The following PPP2R3A variants were observed in gnomAD, a reference collection of about 807,000 sequenced individuals.
PPP2R3A encodes serine/threonine-protein phosphatase 2A regulatory subunit B'' subunit alpha.
Under a neutral mutation model 106.9 loss-of-function variants are expected in PPP2R3A, and 80 were observed. The observed-to-expected ratio is 0.75, with a 90% CI of 0.62 to 0.90. The LOEUF (loss-of-function observed/expected upper bound fraction) is 0.90. Among genes scored for constraint, PPP2R3A ranks in the 40% least tolerant of loss-of-function variants. PPP2R3A has a pLI of 0.00. For missense variants in PPP2R3A, 1,386 were observed against 1,350.4 expected (o/e 1.03, Z -0.41); for synonymous variants, 483 against 468.3 (o/e 1.03, Z -0.41).
chr3:136,129,168 T>C (rs1373256460), intron 13 of PPP2R3A, among the ~76,000 whole-genome samples: 2 of 148,622 alleles, frequency 1.3e-5, no homozygotes, highest in African/African-American at 4.9e-5. Flanking sequence ...TAACTAAGAT[T>C]AGAGCAGAAC....
chr3:136,091,117 G>A (rs1937084576), intron 10 of PPP2R3A, among the ~76,000 whole-genome samples: 1 of 152,106 alleles, frequency 6.6e-6, no homozygotes, highest in South Asian at 2.1e-4. Flanking sequence ...TAGCTTGATT[G>A]GAGTTATTAA....
intron 2 of PPP2R3A, among the ~76,000 whole-genome samples, chr3:136,014,757 A>G (rs532628847): frequency 2.0e-5 from 3 of 152,142 alleles, no homozygotes; most frequent in African/African-American, 7.2e-5. Context: ...CAGGTATATG[A>G]TCATATCAGC....
rs75483728 is a variant in PPP2R3A at position 136,097,517 on chromosome 3, C to T, written c.2928-4490C>T. Among the ~76,000 whole-genome samples the T allele has an allele frequency of 2.0e-3, 306 of 152,268 alleles. 2 individuals carry two copies. The highest frequency in any genetic ancestry group is 7.0e-3 in the African/African-American group (289 of 41,552). ...GCATTCTAGCTTTCTTTCTCTCTTA[C>T]GGGCTATTAACAAAGAACTGAAGGG... On this transcript the variant is annotated intron_variant, in intron 10 of 13. Transcript: ENST00000264977.
chr3:136,139,712 G>C (rs1477497225), intron 13 of PPP2R3A, among the ~76,000 whole-genome samples: 2 of 140,696 alleles, frequency 1.4e-5, no homozygotes, highest in African/African-American at 2.8e-5. Context: ...AAAAAAAAGA[G>C]TTTGTTCTCA....
intron 13 of PPP2R3A, among the ~76,000 whole-genome samples, chr3:136,130,224 T>G (rs1042824113): frequency 3.3e-5 from 5 of 152,182 alleles, no homozygotes; most frequent in Non-Finnish European, 5.9e-5. Context: ...GGAAGTCAAA[T>G]TGTCCCTGTT....
chr3:136,060,697 A>C (rs1472579801), intron 5 of PPP2R3A, among the ~76,000 whole-genome samples: 2 of 152,118 alleles, frequency 1.3e-5, no homozygotes, highest in Non-Finnish European at 2.9e-5. Flanking sequence ...TTTCTTCATA[A>C]ATTACCCAGT....
At chr3:136,039,129 G>T (rs1935175136) in intron 3 of PPP2R3A, among the ~76,000 whole-genome samples, 1 of 152,110 alleles carries the variant, frequency 6.6e-6, no homozygotes, top group Admixed American at 6.6e-5. Context: ...TCCTGTGGGG[G>T]TCCCCTGTGC....
chr3:136,132,289 C>T (rs1027701577), intron 13 of PPP2R3A, among the ~76,000 whole-genome samples: 2 of 151,966 alleles, frequency 1.3e-5, no homozygotes, highest in African/African-American at 4.8e-5. Flanking sequence ...AAGAAAAAAA[C>T]TTTTTAAAGG....
At chr3:136,039,717 C>G (rs1935200733) in intron 3 of PPP2R3A, among the ~76,000 whole-genome samples, 1 of 152,184 alleles carries the variant, frequency 6.6e-6, no homozygotes, top group Non-Finnish European at 1.5e-5. Flanking sequence ...TGTTACCTCT[C>G]CATGTGTCCA....
In PPP2R3A at chr3:136,120,133, C is replaced by CG. The variant is rs567774057; in HGVS notation, c.3329+13819dup. Among the ~76,000 whole-genome samples the CG allele has an allele frequency of 7.5e-3, 773 of 102,750 alleles. 1 individual carries two copies. Among genetic ancestry groups the CG allele is most frequent in the Middle Eastern group, 0.045 (9 of 202 alleles). The allele number at this position is 102,750 out of a possible 152,430, so 67.4% of individuals were successfully genotyped here. ...GGACCTTAACATATCCAGGCCTGTC[C>CG]GGGGGGGGTGGGGGCTAGGGGAGTG... On this transcript the variant is annotated intron_variant, in intron 13 of 13. Coordinates refer to ENST00000264977, the MANE Select transcript of PPP2R3A (RefSeq NM_002718.5).
intron 12 of PPP2R3A, among the ~76,000 whole-genome samples, chr3:136,106,013 G>A (rs112770016): frequency 0.045 from 6,777 of 152,058 alleles, 525 homozygotes; most frequent in African/African-American, 0.15. Context: ...TAAAAAACCT[G>A]GCTGCTAAAC....
intron 13 of PPP2R3A, chr3:136,106,926 C>CAAAAAAAAAAA (rs36029618): frequency 1.4e-4 from 6 of 41,740 alleles, no homozygotes; most frequent in Admixed American, 4.3e-4. Flanking sequence ...ACTCCGTCTC[C>CAAAAAAAAAAA]AAAAAAAAAA....
chr3:136,073,434 A>G (rs1043685698), intron 6 of PPP2R3A, among the ~76,000 whole-genome samples: 1 of 152,234 alleles, frequency 6.6e-6, no homozygotes, highest in Non-Finnish European at 1.5e-5. Flanking sequence ...TAATATTTTC[A>G]TGGCATTTGT....
chr3:136,117,448 G>A (rs1173781827), intron 13 of PPP2R3A, among the ~76,000 whole-genome samples: 2 of 152,214 alleles, frequency 1.3e-5, no homozygotes, highest in East Asian at 1.9e-4. Context: ...CCAGGAGCTG[G>A]TTTTTTGAAA....
intron 1 of PPP2R3A, among the ~76,000 whole-genome samples, chr3:135,989,575 C>G (rs1933069459): frequency 6.6e-6 from 1 of 151,802 alleles, no homozygotes; most frequent in South Asian, 2.1e-4. Flanking sequence ...TCATCTATGT[C>G]TGGAACACAA....
chr3:136,041,431 T>C (rs900901744), intron 4 of PPP2R3A, among the ~76,000 whole-genome samples: 2 of 151,938 alleles, frequency 1.3e-5, no homozygotes, highest in African/African-American at 4.8e-5. Context: ...CTAATTTTTA[T>C]AGAGACTGGA....
At chr3:136,112,349 A>C (rs1206819355) in intron 13 of PPP2R3A, among the ~76,000 whole-genome samples, 1 of 152,216 alleles carries the variant, frequency 6.6e-6, no homozygotes, top group Non-Finnish European at 1.5e-5. Flanking sequence ...AAGTCAAGCT[A>C]TCCGTCTTTG....
At chr3:136,013,800 G>GTGGT (rs1239026381) in intron 2 of PPP2R3A, among the ~76,000 whole-genome samples, 6 of 105,846 alleles carry the variant, frequency 5.7e-5, no homozygotes, top group African/African-American at 1.9e-4. Context: ...CTTCCACGCT[G>GTGGT]TGGTTTGTTA....
At chr3:136,080,004 T>C (rs564772766) in intron 7 of PPP2R3A, among the ~76,000 whole-genome samples, 5 of 152,334 alleles carry the variant, frequency 3.3e-5, no homozygotes, top group Non-Finnish European at 4.4e-5. Flanking sequence ...TATTCTTCAC[T>C]CTACCATTTT....
Sources: allele counts gnomAD v4.1 joint callset (sites outside exome capture counted in the v4.1 genomes callset), GRCh38; gene constraint gnomAD v4.1.1; transcripts MANE v1.5; gene names NCBI Gene and HGNC (gene_info 2026-07-23, HGNC 2026-07-21).